FOXP4: variants seen among roughly 807,000 people sequenced by gnomAD.
FOXP4 encodes the protein forkhead box protein P4.
Under a neutral mutation model 82.6 loss-of-function variants are expected in FOXP4, and 25 were observed. The ratio of observed to expected loss-of-function variants is 0.30; its 90% CI spans 0.22 to 0.42. FOXP4 has a LOEUF of 0.42. Among genes scored for constraint, FOXP4 ranks in the 10% least tolerant of loss-of-function variants. The pLI is 1.00. For synonymous variants in FOXP4, 415 were observed against 388.2 expected (o/e 1.07, Z -0.81); for missense variants, 785 against 900.9 (o/e 0.87, Z 1.65).
intron 1 of FOXP4, among the ~76,000 whole-genome samples, chr6:41,555,832 A>G (rs776670708): frequency 2.6e-5 from 4 of 152,170 alleles, no homozygotes; most frequent in Non-Finnish European, 4.4e-5. Flanking sequence ...GGAGTAATCT[A>G]ATTTGCATTA....
chr6:41,571,876 T>C (rs1401042148), intron 2 of FOXP4, among the ~76,000 whole-genome samples: 3 of 152,084 alleles, frequency 2.0e-5, no homozygotes, highest in South Asian at 2.1e-4. Flanking sequence ...AACTCCTCCT[T>C]CTTGTACCCC....
chr6:41,551,830 A>G (rs1315163940), intron 1 of FOXP4, among the ~76,000 whole-genome samples: 1 of 152,162 alleles, frequency 6.6e-6, no homozygotes, highest in Non-Finnish European at 1.5e-5. Context: ...TATCCATCCT[A>G]CGAACACACT....
Position 41,558,270 on chromosome 6 carries a change from C to T in FOXP4, c.-16-7475C>T, listed in dbSNP as rs895083357. Among the ~76,000 whole-genome samples, 2 of 152,206 alleles carry T rather than the reference C, an allele frequency of 1.3e-5. No individual in the cohort carries two copies. Among genetic ancestry groups the T allele is most frequent in the South Asian group, 2.1e-4 (1 of 4,836 alleles). On this transcript the variant is annotated intron_variant, in intron 1 of 16. Transcript: ENST00000307972. The surrounding 1 kb of genome is among the most constrained non-coding windows in gnomAD (Gnocchi z 4.0). ...GCCAAGCAGTGCGTGACTCACATCA[C>T]CCACCTCTGGCTTCAGGACCTATTC... is the stretch of plus-strand genomic sequence containing the variant.
chr6:41,597,191 G>A lies in FOXP4; in HGVS notation c.1674G>A (p.Val558=). Residue 558 remains valine (V), a synonymous_variant, in exon 15 of 17, where the codon GTG becomes GTA. Transcript: ENST00000307972. ...PPKMTGSPTL[V]KNMISGLSYG... ...TGTCCTCCAGGAGCCCCACCCTGGT[G>A]AAGAACATGATCTCTGGCCTCAGCT... The A allele has an allele frequency of 1.2e-6, 2 of 1,614,180 alleles. No homozygotes were observed. The highest frequency in any genetic ancestry group is 1.7e-6 in the Non-Finnish European group (2 of 1,180,022).
intron 2 of FOXP4, among the ~76,000 whole-genome samples, chr6:41,575,537 T>C (rs1001476419): frequency 5.3e-5 from 4 of 75,572 alleles, no homozygotes; most frequent in Non-Finnish European, 1.1e-4. Context: ...AAAGGGGTTG[T>C]GGGTAGGGGG....
intron 1 of FOXP4, among the ~76,000 whole-genome samples, chr6:41,563,428 C>T (rs972546968): frequency 1.3e-5 from 2 of 152,132 alleles, no homozygotes; most frequent in Admixed American, 6.5e-5. Flanking sequence ...AGTCTCTTTC[C>T]GCAGTTTCTC....
chr6:41,562,496 C>T (rs1309262758), intron 1 of FOXP4, among the ~76,000 whole-genome samples: 1 of 152,116 alleles, frequency 6.6e-6, no homozygotes, highest in African/African-American at 2.4e-5. Context: ...TATGCCCCCC[C>T]CATAAAAAGA....
chr6:41,567,131 G>A (rs1764928968), intron 2 of FOXP4, among the ~76,000 whole-genome samples: 1 of 152,208 alleles, frequency 6.6e-6, no homozygotes. Context: ...GAAGAAACCT[G>A]GTTTAAGTCC....
intron 14 of FOXP4, among the ~76,000 whole-genome samples, chr6:41,595,194 A>T (rs990393922): frequency 2.0e-5 from 3 of 152,212 alleles, no homozygotes; most frequent in African/African-American, 4.8e-5. Context: ...CAGAAGGCAG[A>T]CATTTATGTC....
rs141099597 is a variant in FOXP4, at chr6:41,578,366, T to C, written c.300+285T>C. 6.8e-3 allele frequency among the ~76,000 whole-genome samples: 1,040 copies of C among 152,260 alleles called. 13 individuals are homozygous for C. The highest frequency in any genetic ancestry group is 0.011 in the Admixed American group (171 of 15,304). On this transcript the variant is annotated intron_variant, in intron 3 of 16. Coordinates refer to ENST00000307972, the MANE Select transcript of FOXP4 (RefSeq NM_001012426.2). ...TGTCTCTTTGTACCTCTCTCACTGT[T>C]TGTTCTCCCCTGCCTCTTCCCTTCA...
At chr6:41,554,095 C>T (rs1305265750) in intron 1 of FOXP4, among the ~76,000 whole-genome samples, 6 of 152,112 alleles carry the variant, frequency 3.9e-5, no homozygotes, top group African/African-American at 7.2e-5. Context: ...TGTTCTTATC[C>T]CCACAACAAC....
chr6:41,596,449 GC>G (rs1766839522), intron 14 of FOXP4, among the ~76,000 whole-genome samples: 1 of 152,214 alleles, frequency 6.6e-6, no homozygotes, highest in South Asian at 2.1e-4. Context: ...TGCACCCCAG[GC>G]AGTGTGCAGC....
chr6:41,547,742 G>T (rs1019257575), intron 1 of FOXP4, among the ~76,000 whole-genome samples: 1 of 151,868 alleles, frequency 6.6e-6, no homozygotes, highest in African/African-American at 2.4e-5. Flanking sequence ...GGGCCCGGAG[G>T]CCACCAGGGA....
At chr6:41,553,385 C>T (rs1295480440) in intron 1 of FOXP4, among the ~76,000 whole-genome samples, 1 of 152,184 alleles carries the variant, frequency 6.6e-6, no homozygotes, top group African/African-American at 2.4e-5. Context: ...CGCCATCCCC[C>T]CTCCCCCTCA....
intron 3 of FOXP4, among the ~76,000 whole-genome samples, chr6:41,581,666 G>A (rs1244387371): frequency 6.6e-6 from 1 of 152,232 alleles, no homozygotes; most frequent in African/African-American, 2.4e-5. Context: ...AACCAACTCA[G>A]GAGATCAGCA....
chr6:41,574,287 G>C (rs917310247), intron 2 of FOXP4, among the ~76,000 whole-genome samples: 2 of 152,206 alleles, frequency 1.3e-5, no homozygotes, highest in African/African-American at 4.8e-5. Flanking sequence ...CCCCTCAGTG[G>C]AGTAAGCCCT....
intron 1 of FOXP4, chr6:41,548,543 G>C (rs1050354465): frequency 6.6e-6 from 1 of 151,992 alleles, no homozygotes; most frequent in East Asian, 1.9e-4. Flanking sequence ...CGGGGTTGTC[G>C]TATGGCCTGT....
At chr6:41,589,048 A>G (rs367943251) in intron 9 of FOXP4, among the ~76,000 whole-genome samples, 1 of 152,254 alleles carries the variant, frequency 6.6e-6, no homozygotes, top group Non-Finnish European at 1.5e-5. Context: ...AATACTTTAT[A>G]TAGCTCAAGG....
At chr6:41,586,757 G>T (rs1446398278) in intron 5 of FOXP4, among the ~76,000 whole-genome samples, 1 of 152,224 alleles carries the variant, frequency 6.6e-6, no homozygotes, top group Non-Finnish European at 1.5e-5. Context: ...AGGGCGTCGT[G>T]CTGCGTGTCT....
Sources: gnomAD v4.1 joint callset for allele counts (sites outside exome capture counted in the v4.1 genomes callset) on GRCh38, gnomAD v4.1.1 for gene constraint, Gnocchi (gnomAD v3.1) non-coding constraint, MANE v1.5 for transcripts, NCBI Gene and HGNC (gene_info 2026-07-23, HGNC 2026-07-21) for gene names.